TUT7: variants seen among roughly 807,000 people sequenced by gnomAD.
The protein encoded by TUT7 is terminal uridylyl transferase 7.
A neutral mutation model predicts 165.9 loss-of-function variants in TUT7; 33 were observed. The ratio of observed to expected loss-of-function variants is 0.20; its 90% CI spans 0.15 to 0.27. The LOEUF (loss-of-function observed/expected upper bound fraction) is 0.27, where lower values mean the gene tolerates loss of function less well. Ranked by LOEUF, TUT7 falls within the 10% of genes least tolerant of loss-of-function variation. TUT7 has a pLI of 1.00. For synonymous variants in TUT7, 552 were observed against 608.1 expected (o/e 0.91, Z 1.36); for missense variants, 1,338 against 1,762.3 (o/e 0.76, Z 4.31).
chr9:86,337,280 T>A, intron 10 of TUT7, 139 bp downstream of exon 10: 2 of 937,720 alleles, frequency 2.1e-6, no homozygotes, highest in Non-Finnish European at 3.2e-6. Context: ...CAGTGAAAGG[T>A]ATGAATATTC....
chr9:86,348,795 C>T (rs1832009508), intron 2 of TUT7, among the ~76,000 whole-genome samples: 1 of 151,988 alleles, frequency 6.6e-6, no homozygotes, highest in Admixed American at 6.6e-5. Flanking sequence ...GAAATTCAGC[C>T]TTCTAACTAA....
At chr9:86,309,433 GA>G (rs1564040961) in intron 20 of TUT7, 29 bp downstream of exon 20, 1 of 1,569,492 alleles carries the variant, frequency 6.4e-7, no homozygotes, top group Non-Finnish European at 8.7e-7. Flanking sequence ...CAGTTTTCCA[GA>G]TAAGAAATAC....
chr9:86,305,645 T>C (rs1382639895), intron 22 of TUT7, among the ~76,000 whole-genome samples: 1 of 152,226 alleles, frequency 6.6e-6, no homozygotes, highest in Non-Finnish European at 1.5e-5. Context: ...ATATAGAAGT[T>C]ATAAATACAT....
At chr9:86,301,850 T>G (rs1826940674) in intron 25 of TUT7, 1 of 985,262 alleles carries the variant, frequency 1.0e-6, no homozygotes, top group Admixed American at 6.2e-5. Context: ...ATGACTGCAA[T>G]TAGTGGCACT....
In TUT7 at chr9:86,321,454, C is replaced by T. The variant is rs938190919; in HGVS notation, c.3028+871G>A. Reference sequence around the variant, plus strand: ...TTTAAAAAGAAACCTGCTGGCCAGGCGCCATGGCTCAAGCCTGTAATCCCA... The same window carrying T: ...TTTAAAAAGAAACCTGCTGGCCAGGTGCCATGGCTCAAGCCTGTAATCCCA... On this transcript the variant is annotated intron_variant, in intron 14 of 26. Transcript: ENST00000375963. Among the ~76,000 whole-genome samples, 14 of 151,438 alleles carry T rather than the reference C, an allele frequency of 9.2e-5. 1 individual carries two copies. Among genetic ancestry groups the T allele is most frequent in the Admixed American group, 2.0e-4 (3 of 15,188 alleles).
At chr9:86,328,965 C>T (rs1344114387) in intron 10 of TUT7, among the ~76,000 whole-genome samples, 1 of 152,198 alleles carries the variant, frequency 6.6e-6, no homozygotes, top group Admixed American at 6.5e-5. Flanking sequence ...TTGTAGCATA[C>T]AGCACATAGT....
At chr9:86,333,764 CA>C (rs1564081170) in intron 10 of TUT7, among the ~76,000 whole-genome samples, 1 of 152,160 alleles carries the variant, frequency 6.6e-6, no homozygotes. Context: ...TGCCTTTCAG[CA>C]TGCTTTGTAA....
At chr9:86,346,510 A>C (rs1831781296) in intron 2 of TUT7, 30 bp from the exon 3 acceptor site, 1 of 1,595,418 alleles carries the variant, frequency 6.3e-7, no homozygotes, top group Non-Finnish European at 8.6e-7. Context: ...ATTATTGGCA[A>C]TATTAAATAA....
chr9:86,354,121 T>C (rs1832542191), intron 1 of TUT7, 150 bp downstream of exon 1: 1 of 152,328 alleles, frequency 6.6e-6, no homozygotes, highest in Admixed American at 6.5e-5. Flanking sequence ...GAGCCGAATG[T>C]CTTGACCCAA....
chr9:86,290,686 CAA>C (rs749800073), intron 26 of TUT7, among the ~76,000 whole-genome samples: 14 of 54,752 alleles, frequency 2.6e-4, no homozygotes, highest in Admixed American at 4.2e-4. Context: ...TACTAAAATA[CAA>C]AAAAAAAAAA....
chr9:86,354,211 G>A (rs936087615), intron 1 of TUT7, 60 bp downstream of exon 1: 1 of 152,712 alleles, frequency 6.5e-6, no homozygotes, highest in African/African-American at 2.4e-5. Flanking sequence ...TGCCGGCCTG[G>A]GGGTTCCTCG....
chr9:86,302,362 T>C (rs1275111704), intron 25 of TUT7, among the ~76,000 whole-genome samples: 1 of 152,206 alleles, frequency 6.6e-6, no homozygotes, highest in Non-Finnish European at 1.5e-5. Context: ...TCCAGTGAAC[T>C]GTTTGTGAAT....
rs772915611 is a variant in TUT7, at chr9:86,345,010, T to G, written c.964A>C (p.Ile322Leu). 6.2e-7 allele frequency: 1 copy of G among 1,613,118 alleles called. No individual in the cohort carries two copies. The highest frequency in any genetic ancestry group is 8.5e-7 in the Non-Finnish European group (1 of 1,179,676). The change falls in exon 5 of 27, where the codon ATC becomes CTC. Residue 322 changes from isoleucine (I) to leucine (L), a missense_variant. Around this residue, in one of 7 missense-constraint regions of TUT7, gnomAD observed 434 missense variants for 480.8 expected, o/e 0.90. Coordinates refer to ENST00000375963, the MANE Select transcript of TUT7 (RefSeq NM_024617.4). ...NLEQRLEIKR[I>L]MENVFQHKLP... The stretch of plus-strand genomic sequence containing the variant: ...TTGTGTTGGAACACATTTTCCATGA[T>G]ACGTTTAATTTCCAGCCTCTGTTCC...
chr9:86,304,838 T>C lies in TUT7; in HGVS notation c.3978+18A>G, dbSNP rs748299216. 6.5e-6 allele frequency: 10 copies of C among 1,536,406 alleles called. No individual in the cohort carries two copies. The highest frequency in any genetic ancestry group is 8.8e-6 in the Non-Finnish European group (10 of 1,130,110). ...CTTTTTTTTATTTTTTATTTTTTGG[T>C]ATTTCCAACACACTTACCATTTTTG... On this transcript the variant is annotated intron_variant, in intron 24 of 26. Coordinates refer to ENST00000375963, the MANE Select transcript of TUT7 (RefSeq NM_024617.4).
chr9:86,328,336 AGACCTGTCCCCTT>A lies in TUT7; in HGVS notation c.1599_1608+3del. On this transcript the variant is annotated splice_donor_variant and splice_donor_region_variant and coding_sequence_variant and intron_variant, in exon 11 of 27. Coordinates refer to ENST00000375963, the MANE Select transcript of TUT7 (RefSeq NM_024617.4). LOFTEE classifies it high-confidence loss of function. ...CTGACAACTAGAAACAAAAGAGAACAGACCTGTCCCCTTTTAATCGGCGTTTCTCTTGGTGCCT... is the reference window on the plus strand; with the variant it reads ...CTGACAACTAGAAACAAAAGAGAACATTAATCGGCGTTTCTCTTGGTGCCT... The A allele has an allele frequency of 6.3e-7, 1 of 1,585,336 alleles. No individual in the cohort carries two copies. The highest frequency in any genetic ancestry group is 1.7e-4 in the Middle Eastern group (1 of 5,926).
intron 16 of TUT7, among the ~76,000 whole-genome samples, chr9:86,317,898 C>T (rs1187664160): frequency 6.6e-6 from 1 of 151,950 alleles, no homozygotes; most frequent in East Asian, 1.9e-4. Context: ...TTTAGAAATG[C>T]CCTCAAAACT....
rs201201332 is a variant in TUT7, at chr9:86,353,165, C to T, written c.35G>A (p.Arg12His). The change falls in exon 2 of 27, where the codon CGC becomes CAC. Residue 12 changes from arginine (R) to histidine (H), a missense_variant. By Grantham distance (29) the Arg-to-His change is conservative. Around this residue, in one of 7 missense-constraint regions of TUT7, gnomAD observed 434 missense variants for 480.8 expected, o/e 0.90. Transcript: ENST00000375963. ...GDTAKPYFVK[R>H]TKDRGTMDDD... is the part of the protein sequence containing the mutation. ...ATCCATAGTCCCCCGGTCTTTAGTG[C>T]GCTTCACGAAATAAGGTTTTGCTGT... The T allele has an allele frequency of 1.8e-5, 28 of 1,593,380 alleles. 1 individual carries two copies. In the Admixed American group the frequency reaches 2.0e-4, roughly 11 times the overall value.
chr9:86,333,152 T>C (rs1830471087), intron 10 of TUT7, among the ~76,000 whole-genome samples: 1 of 152,198 alleles, frequency 6.6e-6, no homozygotes, highest in South Asian at 2.1e-4. Context: ...CAGCAGGTAA[T>C]TAACTTGTTT....
intron 26 of TUT7, 93 bp downstream of exon 26, chr9:86,301,179 TAAAG>T: frequency 2.7e-6 from 3 of 1,104,730 alleles, no homozygotes; most frequent in Admixed American, 5.2e-5. Context: ...AATATATTGA[TAAAG>T]AAATAAAGAT....
Sources: allele counts gnomAD v4.1 joint callset (sites outside exome capture counted in the v4.1 genomes callset), GRCh38; gene constraint gnomAD v4.1.1; regional missense constraint gnomAD v4.1.1; transcripts MANE v1.5; gene names NCBI Gene and HGNC (gene_info 2026-07-23, HGNC 2026-07-21).